MAP1B: variants seen among roughly 807,000 people sequenced by gnomAD.
MAP1B encodes microtubule associated protein 1B, also known as microtubule-associated protein 1B.
A neutral mutation model predicts 176.1 loss-of-function variants in MAP1B; 12 were observed. The observed-to-expected ratio is 0.07, with a 90% confidence interval of 0.04 to 0.11. The LOEUF is 0.11. Ranked by LOEUF, MAP1B falls within the 10% of genes least tolerant of loss-of-function variation. The probability of loss-of-function intolerance (pLI) is 1.00; values close to 1 mark genes in which losing one functional copy is unlikely to be tolerated. For missense variants in MAP1B, 2,523 were observed against 2,990.5 expected (o/e 0.84, Z 3.65); for synonymous variants, 1,044 against 1,135.0 (o/e 0.92, Z 1.61).
chr5:72,157,016 A>C (rs1282899190), intron 2 of MAP1B, among the ~76,000 whole-genome samples: 3 of 152,202 alleles, frequency 2.0e-5, no homozygotes, highest in Admixed American at 1.3e-4. Context: ...TAATCCTTGT[A>C]GGTTTATTTG....
intron 2 of MAP1B, among the ~76,000 whole-genome samples, chr5:72,148,191 A>T (rs972184779): frequency 2.0e-5 from 3 of 152,236 alleles, no homozygotes; most frequent in Admixed American, 2.0e-4. Context: ...CACTTATGGA[A>T]CCAAAGAACA....
chr5:72,195,867 A>C lies in MAP1B; in HGVS notation c.2512A>C (p.Lys838Gln). Reference sequence around the variant, plus strand: ...TATGTCATCTCCTGAGGATCTAACCAAGGACTTTGAAGAGTTAAAGGCTGA... The same window carrying C: ...TATGTCATCTCCTGAGGATCTAACCCAGGACTTTGAAGAGTTAAAGGCTGA... ...SLMSSPEDLT[K>Q]DFEELKAEEV... The change falls in exon 5 of 7, where the codon AAG becomes CAG. Residue 838 changes from lysine (K) to glutamine (Q), a missense_variant. This residue lies in a region of MAP1B where 1,925 missense variants were observed against 2,126.0 expected (regional missense o/e 0.91). Coordinates refer to ENST00000296755, the MANE Select transcript of MAP1B (RefSeq NM_005909.5). 1 of 1,614,240 alleles carries C rather than the reference A, an allele frequency of 6.2e-7. No individual in the cohort carries two copies. The highest frequency in any genetic ancestry group is 8.5e-7 in the Non-Finnish European group (1 of 1,180,042).
intron 2 of MAP1B, among the ~76,000 whole-genome samples, chr5:72,121,497 C>A (rs1745529817): frequency 6.6e-6 from 1 of 152,186 alleles, no homozygotes; most frequent in African/African-American, 2.4e-5. Context: ...GATAAACGAA[C>A]CACAGCTGAG....
At position 72,206,400 on chromosome 5, in the gene MAP1B, C is replaced by T. The variant is rs934110398; in HGVS notation, c.*1161C>T. 1 of 152,688 alleles carries T rather than the reference C, an allele frequency of 6.5e-6. No individual in the cohort carries two copies. The highest frequency in any genetic ancestry group is 1.5e-5 in the Non-Finnish European group (1 of 68,052). 9.5% of individuals were successfully genotyped at this position (152,688 alleles called of 1,614,324 possible). On this transcript the variant is annotated 3_prime_UTR_variant, in exon 7 of 7. Coordinates refer to ENST00000296755, the MANE Select transcript of MAP1B (RefSeq NM_005909.5). The stretch of plus-strand genomic sequence containing the variant: ...GTGCACCTGTGGCCTCTCAGTCAAA[C>T]AAGTTGTGCCTTTCACAGCTTCTTT...
chr5:72,119,135 C>G (rs1408444109), intron 2 of MAP1B, among the ~76,000 whole-genome samples: 1 of 152,066 alleles, frequency 6.6e-6, no homozygotes, highest in Non-Finnish European at 1.5e-5. Flanking sequence ...TTTCTGTACA[C>G]AAGGTGGGTG....
At chr5:72,118,799 C>T (rs1745475730) in intron 2 of MAP1B, among the ~76,000 whole-genome samples, 1 of 152,082 alleles carries the variant, frequency 6.6e-6, no homozygotes, top group African/African-American at 2.4e-5. Flanking sequence ...ATATTTATTG[C>T]CTTTTATGAC....
At chr5:72,131,761 G>A (rs140778596) in intron 2 of MAP1B, among the ~76,000 whole-genome samples, 1 of 152,310 alleles carries the variant, frequency 6.6e-6, no homozygotes, top group African/African-American at 2.4e-5. Context: ...GGTACTTAGA[G>A]GTTCATTCAA....
At chr5:72,160,267 T>G (rs1746304056) in intron 2 of MAP1B, among the ~76,000 whole-genome samples, 1 of 151,888 alleles carries the variant, frequency 6.6e-6, no homozygotes, top group African/African-American at 2.4e-5. Context: ...ATTCATTCCG[T>G]TTTGGAAAAG....
At chr5:72,111,926 A>G (rs1443939925) in intron 1 of MAP1B, among the ~76,000 whole-genome samples, 1 of 152,170 alleles carries the variant, frequency 6.6e-6, no homozygotes, top group Non-Finnish European at 1.5e-5. Flanking sequence ...TTACATACAT[A>G]TGTTATGAAC....
intron 6 of MAP1B, 43 bp downstream of exon 6, chr5:72,203,844 G>A: frequency 6.3e-7 from 1 of 1,576,738 alleles, no homozygotes; most frequent in South Asian, 1.1e-5. Context: ...ATTGAGCTGT[G>A]TCCAGAGGCA....
intron 2 of MAP1B, among the ~76,000 whole-genome samples, chr5:72,122,416 G>C (rs890825855): frequency 4.6e-5 from 7 of 152,158 alleles, no homozygotes; most frequent in Non-Finnish European, 8.8e-5. Flanking sequence ...AGTGTACGCA[G>C]CATAAGGCAT....
chr5:72,117,512 G>A (rs546115859), intron 2 of MAP1B, among the ~76,000 whole-genome samples: 2 of 152,294 alleles, frequency 1.3e-5, no homozygotes, highest in South Asian at 4.1e-4. Context: ...ATGAAAGGCT[G>A]CAAGCATTGC....
chr5:72,158,681 A>C (rs1234017433), intron 2 of MAP1B, among the ~76,000 whole-genome samples: 2 of 152,230 alleles, frequency 1.3e-5, no homozygotes, highest in Non-Finnish European at 2.9e-5. Flanking sequence ...GTGGAAATGA[A>C]TATGGAAGGC....
intron 2 of MAP1B, among the ~76,000 whole-genome samples, chr5:72,122,298 C>G (rs934387959): frequency 2.0e-5 from 3 of 152,024 alleles, no homozygotes; most frequent in Non-Finnish European, 4.4e-5. Context: ...CCCAGTGCTC[C>G]CATTGAGACT....
intron 2 of MAP1B, among the ~76,000 whole-genome samples, chr5:72,176,119 T>C (rs886980312): frequency 2.0e-5 from 3 of 152,230 alleles, no homozygotes; most frequent in Non-Finnish European, 4.4e-5. Flanking sequence ...AGAACTTGGC[T>C]GATGGTTCAG....
chr5:72,182,214 A>C (rs1360038413), intron 2 of MAP1B, among the ~76,000 whole-genome samples: 4 of 152,062 alleles, frequency 2.6e-5, no homozygotes, highest in Non-Finnish European at 5.9e-5. Flanking sequence ...CAGAAACTGT[A>C]CCCACTAAGC....
rs376505067 is a variant in MAP1B, at chr5:72,186,458, C to G, written c.370-156C>G. 6.6e-6 allele frequency among the ~76,000 whole-genome samples: 1 copy of G among 152,182 alleles called. No individual in the cohort carries two copies. Among genetic ancestry groups the G allele is most frequent in the Non-Finnish European group, 1.5e-5 (1 of 68,028 alleles). ...CAGCCAGGGATCCATTCAACCCTCC[C>G]GTGCTCTTCTGGCCTCCAGGAGAAA... On this transcript the variant is annotated intron_variant, in intron 3 of 6. Transcript: ENST00000296755. The surrounding 1 kb of genome is among the most constrained non-coding windows in gnomAD (Gnocchi z 4.3).
intron 4 of MAP1B, among the ~76,000 whole-genome samples, chr5:72,192,434 G>A (rs1441027104): frequency 1.3e-5 from 2 of 152,168 alleles, no homozygotes; most frequent in African/African-American, 2.4e-5. Flanking sequence ...TTATTATTTT[G>A]TTATTTTGCG....
At chr5:72,120,935 AT>A (rs1007629263) in intron 2 of MAP1B, among the ~76,000 whole-genome samples, 17 of 152,190 alleles carry the variant, frequency 1.1e-4, no homozygotes, top group Non-Finnish European at 7.3e-5. Flanking sequence ...TTAAATTTGT[AT>A]TAAAGATGTT....
Sources: allele counts gnomAD v4.1 joint callset (sites outside exome capture counted in the v4.1 genomes callset), GRCh38; gene constraint gnomAD v4.1.1; regional missense constraint gnomAD v4.1.1; non-coding constraint Gnocchi (gnomAD v3.1); transcripts MANE v1.5; gene names NCBI Gene and HGNC (gene_info 2026-07-23, HGNC 2026-07-21).